Variants in TMTC1 observed in about 807,000 individuals in gnomAD.
TMTC1 encodes the protein protein O-mannosyl-transferase TMTC1.
A neutral mutation model predicts 104.8 loss-of-function variants in TMTC1; 73 were observed. The ratio of observed to expected loss-of-function variants is 0.70; its 90% CI spans 0.58 to 0.85. The LOEUF (loss-of-function observed/expected upper bound fraction) is 0.85. Ranked by LOEUF, TMTC1 falls within the 40% of genes least tolerant of loss-of-function variation. The pLI is 0.00. For missense variants in TMTC1, 1,035 were observed against 1,096.1 expected (o/e 0.94, Z 0.79); for synonymous variants, 434 against 428.7 (o/e 1.01, Z -0.15).
intron 6 of TMTC1, among the ~76,000 whole-genome samples, chr12:29,620,838 C>G (rs1166396795): frequency 1.3e-5 from 2 of 152,144 alleles, no homozygotes; most frequent in East Asian, 3.9e-4. Context: ...CAGCTGAGAG[C>G]AGGGAGAAGA....
chr12:29,529,031 C>T (rs1313443993), intron 11 of TMTC1, among the ~76,000 whole-genome samples: 1 of 152,072 alleles, frequency 6.6e-6, no homozygotes, highest in Non-Finnish European at 1.5e-5. Context: ...GTTTTATGTA[C>T]ATATATTTGG....
At chr12:29,629,792 G>A (rs982091020) in intron 6 of TMTC1, among the ~76,000 whole-genome samples, 2 of 152,106 alleles carry the variant, frequency 1.3e-5, no homozygotes, top group African/African-American at 4.8e-5. Flanking sequence ...CCACTAAATT[G>A]TACTCTTTAA....
intron 7 of TMTC1, among the ~76,000 whole-genome samples, chr12:29,600,135 T>C (rs1946526911): frequency 1.3e-5 from 2 of 151,474 alleles, no homozygotes; most frequent in African/African-American, 4.9e-5. Flanking sequence ...AAAAAAACAT[T>C]TTGAACATGT....
At chr12:29,604,429 A>T in intron 6 of TMTC1, 130 bp from the exon 7 acceptor site, 1 of 1,262,982 alleles carries the variant, frequency 7.9e-7, no homozygotes, top group Non-Finnish European at 1.1e-6. Flanking sequence ...AAACCTTTTG[A>T]CCGGCGTGCT....
At chr12:29,643,683 T>TTATTATA (rs1939032886) in intron 5 of TMTC1, among the ~76,000 whole-genome samples, 4 of 13,632 alleles carry the variant, frequency 2.9e-4, no homozygotes, top group African/African-American at 1.2e-3. Flanking sequence ...ATCTATATAT[T>TTATTATA]ATATATATTA....
At chr12:29,702,665 C>T (rs911094194) in intron 5 of TMTC1, among the ~76,000 whole-genome samples, 2 of 152,180 alleles carry the variant, frequency 1.3e-5, no homozygotes, top group Non-Finnish European at 2.9e-5. Flanking sequence ...ACTACACAAG[C>T]GGGTGAATCC....
chr12:29,658,537 C>T (rs1002276859), intron 5 of TMTC1: 5 of 161,224 alleles, frequency 3.1e-5, no homozygotes, highest in Admixed American at 6.1e-5. Context: ...CACATTAAAT[C>T]GCTTAGCAAG....
intron 5 of TMTC1, among the ~76,000 whole-genome samples, chr12:29,657,967 C>T (rs1027753665): frequency 6.6e-6 from 1 of 151,960 alleles, no homozygotes; most frequent in African/African-American, 2.4e-5. Context: ...TTAGCATGTG[C>T]CTGTAGTCCC....
chr12:29,738,644 T>C (rs971709321), intron 5 of TMTC1, among the ~76,000 whole-genome samples: 1 of 151,894 alleles, frequency 6.6e-6, no homozygotes, highest in African/African-American at 2.4e-5. Context: ...ACAACACACA[T>C]AAGAAAAAAA....
chr12:29,741,708 T>C (rs1003331928), intron 5 of TMTC1, among the ~76,000 whole-genome samples: 9 of 152,214 alleles, frequency 5.9e-5, no homozygotes, highest in African/African-American at 1.9e-4. Flanking sequence ...GTTCAGGTTT[T>C]TCAAAAACAA....
chr12:29,734,568 T>C (rs1457895668), intron 5 of TMTC1, among the ~76,000 whole-genome samples: 4 of 152,180 alleles, frequency 2.6e-5, no homozygotes, highest in East Asian at 3.8e-4. Flanking sequence ...TGCCTATATA[T>C]AGACACAGAT....
At chr12:29,680,630 T>C (rs76629778) in intron 5 of TMTC1, among the ~76,000 whole-genome samples, 1,928 of 152,304 alleles carry the variant, frequency 0.013, 30 homozygotes, top group African/African-American at 0.044. Context: ...GAATTATAAA[T>C]GTCCCATAAA....
chr12:29,712,705 G>A (rs1941962287), intron 5 of TMTC1, among the ~76,000 whole-genome samples: 1 of 152,174 alleles, frequency 6.6e-6, no homozygotes, highest in Admixed American at 6.5e-5. Flanking sequence ...TGAAGTATAT[G>A]AGGAAAATCT....
chr12:29,548,543 C>T (rs145644129), intron 10 of TMTC1, among the ~76,000 whole-genome samples: 348 of 152,054 alleles, frequency 2.3e-3, no homozygotes, highest in African/African-American at 7.5e-3. Context: ...GTACAGTTCC[C>T]CTGCACACAC....
intron 6 of TMTC1, among the ~76,000 whole-genome samples, chr12:29,606,507 A>G (rs1946702873): frequency 6.6e-6 from 1 of 152,176 alleles, no homozygotes; most frequent in African/African-American, 2.4e-5. Flanking sequence ...TTCCCTTTTT[A>G]TAGGTGCACT....
intron 5 of TMTC1, among the ~76,000 whole-genome samples, chr12:29,727,413 G>A (rs888191616): frequency 6.6e-6 from 1 of 152,016 alleles, no homozygotes; most frequent in African/African-American, 2.4e-5. Context: ...GTCTTGCTCT[G>A]TTGCCCAGGC....
At chr12:29,756,035 C>T in intron 3 of TMTC1, 150 bp from the exon 4 acceptor site, 1 of 775,424 alleles carries the variant, frequency 1.3e-6, no homozygotes, top group South Asian at 2.1e-5. Context: ...GCCTTCATCC[C>T]CACAATACTG....
intron 5 of TMTC1, among the ~76,000 whole-genome samples, chr12:29,692,709 T>C (rs927556330): frequency 6.9e-6 from 1 of 145,392 alleles, no homozygotes; most frequent in Non-Finnish European, 1.5e-5. Context: ...TAGAGTATTA[T>C]TCACGACAGC....
intron 6 of TMTC1, among the ~76,000 whole-genome samples, chr12:29,614,390 G>T (rs1946924609): frequency 6.6e-6 from 1 of 152,104 alleles, no homozygotes; most frequent in Admixed American, 6.5e-5. Context: ...TTTCCACAAA[G>T]ATGGTTAAAA....
Sources: allele counts gnomAD v4.1 joint callset (sites outside exome capture counted in the v4.1 genomes callset), GRCh38; gene constraint gnomAD v4.1.1; transcripts MANE v1.5; gene names NCBI Gene and HGNC (gene_info 2026-07-23, HGNC 2026-07-21).